Variants in CCDC25 observed in about 807,000 individuals in gnomAD.
CCDC25 encodes coiled-coil domain containing 25, also known as coiled-coil domain-containing protein 25.
CCDC25 carries 16 observed loss-of-function variants against 35.3 expected under a neutral mutation model. The ratio of observed to expected loss-of-function variants is 0.45; its 90% CI spans 0.31 to 0.69. The LOEUF is 0.69. CCDC25 is among the 30% of genes least tolerant of loss of function. CCDC25 has a pLI of 0.06. For synonymous variants in CCDC25, 79 were observed against 80.3 expected, an observed-to-expected ratio of 0.98 and a Z score of 0.09; for missense variants, 179 against 250.7, an observed-to-expected ratio of 0.71 and a Z score of 1.93.
intron 3 of CCDC25, among the ~76,000 whole-genome samples, chr8:27,760,690 C>A (rs1410278522): frequency 6.6e-6 from 1 of 152,106 alleles, no homozygotes. Flanking sequence ...GCGGGCAGCC[C>A]CAGTCTGGAT....
intron 5 of CCDC25, among the ~76,000 whole-genome samples, chr8:27,749,619 A>AT (rs1312936158): frequency 1.3e-5 from 2 of 152,202 alleles, no homozygotes; most frequent in Non-Finnish European, 2.9e-5. Flanking sequence ...AAAGGAGACT[A>AT]AAGAGAAGTA....
At chr8:27,738,564 T>A (rs548144164) in intron 8 of CCDC25, among the ~76,000 whole-genome samples, 20 of 150,572 alleles carry the variant, frequency 1.3e-4, no homozygotes, top group Non-Finnish European at 2.4e-4. Flanking sequence ...ACTGATCAGA[T>A]GGTGTTTGTA....
rs1197196291 is a variant in CCDC25 at position 27,747,627 on chromosome 8, T to G, written c.551+450A>C. 2.4e-5 allele frequency: 4 copies of G among 166,538 alleles called. No individual in the cohort carries two copies. The East Asian group carries it at 7.0e-4, about 29-fold the overall frequency. The allele number at this position is 166,538 out of a possible 1,614,324, so 10.3% of individuals were successfully genotyped here. On this transcript the variant is annotated intron_variant, in intron 7 of 8. Transcript: ENST00000356537. ...AAAATGTAGTGCTTTGAAGCAGACCTCACTACATTACTTTAAACTTTCAAA... is the reference window on the plus strand; with the variant it reads ...AAAATGTAGTGCTTTGAAGCAGACCGCACTACATTACTTTAAACTTTCAAA...
At chr8:27,745,191 T>A (rs959379379) in intron 7 of CCDC25, among the ~76,000 whole-genome samples, 3 of 152,134 alleles carry the variant, frequency 2.0e-5, no homozygotes, top group Non-Finnish European at 2.9e-5. Flanking sequence ...GAGACAGTCC[T>A]AATTTTGTTG....
At chr8:27,748,919 C>T (rs776859819) in intron 5 of CCDC25, among the ~76,000 whole-genome samples, 3 of 151,920 alleles carry the variant, frequency 2.0e-5, no homozygotes, top group Non-Finnish European at 4.4e-5. Flanking sequence ...AATATGTTTC[C>T]TCAGATTCTC....
At chr8:27,762,319 A>G in intron 3 of CCDC25, 100 bp downstream of exon 3, 1 of 1,041,496 alleles carries the variant, frequency 9.6e-7, no homozygotes, top group South Asian at 1.3e-5. Context: ...CTGAAGACCC[A>G]TAAACCACAG....
At chr8:27,759,311 A>G (rs1359810239) in intron 3 of CCDC25, among the ~76,000 whole-genome samples, 4 of 152,186 alleles carry the variant, frequency 2.6e-5, no homozygotes, top group Non-Finnish European at 5.9e-5. Flanking sequence ...TCCTACATTT[A>G]AAGATGAATT....
intron 3 of CCDC25, among the ~76,000 whole-genome samples, chr8:27,761,576 A>G (rs1350712421): frequency 6.6e-6 from 1 of 152,126 alleles, no homozygotes; most frequent in Non-Finnish European, 1.5e-5. Flanking sequence ...ATTTGGTAGG[A>G]GGTATGAGGA....
At chr8:27,741,777 A>C (rs1338633082) in intron 7 of CCDC25, among the ~76,000 whole-genome samples, 2 of 152,228 alleles carry the variant, frequency 1.3e-5, no homozygotes, top group Non-Finnish European at 2.9e-5. Flanking sequence ...AAGATTAGAG[A>C]GGTGGTTAAG....
At chr8:27,770,754 A>C (rs1804576682) in intron 1 of CCDC25, among the ~76,000 whole-genome samples, 2 of 144,288 alleles carry the variant, frequency 1.4e-5, no homozygotes, top group Non-Finnish European at 1.5e-5. Flanking sequence ...AAAAAAAAAA[A>C]CAAAAACAAA....
chr8:27,748,899 A>G (rs1803699388), intron 5 of CCDC25, among the ~76,000 whole-genome samples: 1 of 152,170 alleles, frequency 6.6e-6, no homozygotes, highest in Non-Finnish European at 1.5e-5. Context: ...TTTTCAAGAG[A>G]AAAGGACTGA....
At chr8:27,763,581 G>A (rs1375530690) in intron 2 of CCDC25, among the ~76,000 whole-genome samples, 1 of 152,112 alleles carries the variant, frequency 6.6e-6, no homozygotes, top group Non-Finnish European at 1.5e-5. Context: ...AGCCAGGCAT[G>A]GTAGCACGTG....
intron 1 of CCDC25, among the ~76,000 whole-genome samples, 161 bp downstream of exon 1, chr8:27,772,352 G>T (rs1213735783): frequency 6.6e-6 from 1 of 152,256 alleles, no homozygotes; most frequent in African/African-American, 2.4e-5. Context: ...TCCTGCAGCC[G>T]TGGGAGGGAC....
chr8:27,771,737 G>A (rs554613710), intron 1 of CCDC25, among the ~76,000 whole-genome samples: 1 of 152,196 alleles, frequency 6.6e-6, no homozygotes, highest in Admixed American at 6.5e-5. Flanking sequence ...TGGGTCCCAG[G>A]AAAGGAATAG....
In CCDC25 at chr8:27,735,937, A is replaced by G; in HGVS notation, c.*279T>C. On this transcript the variant is annotated 3_prime_UTR_variant, in exon 9 of 9. Coordinates refer to ENST00000356537, the MANE Select transcript of CCDC25 (RefSeq NM_018246.3). ...CATTTTAAAGTCTATCTCAAGAACA[A>G]GGGCAGCCTGCTTTCACAAGGTACC... 1 of 319,442 alleles carries G rather than the reference A, an allele frequency of 3.1e-6. No homozygotes were observed. Among genetic ancestry groups the G allele is most frequent in the Non-Finnish European group, 5.7e-6 (1 of 175,814 alleles). The allele number at this position is 319,442 out of a possible 1,614,324, so 19.8% of individuals were successfully genotyped here.
At chr8:27,758,709 C>G (rs1366427294) in intron 3 of CCDC25, among the ~76,000 whole-genome samples, 1 of 152,232 alleles carries the variant, frequency 6.6e-6, no homozygotes, top group Non-Finnish European at 1.5e-5. Flanking sequence ...AGCCAGTTCT[C>G]TATTTACAAC....
At chr8:27,765,363 T>C (rs910636635) in intron 1 of CCDC25, 112 bp from the exon 2 acceptor site, 38 of 875,828 alleles carry the variant, frequency 4.3e-5, no homozygotes, top group Non-Finnish European at 5.7e-5. Flanking sequence ...CCATGGCCCA[T>C]GATCCAAATC....
chr8:27,738,051 G>C (rs920143182), intron 8 of CCDC25, among the ~76,000 whole-genome samples: 1 of 152,140 alleles, frequency 6.6e-6, no homozygotes, highest in African/African-American at 2.4e-5. Flanking sequence ...CTGATATGTG[G>C]GAGCTAAGCT....
chr8:27,738,374 T>C (rs1803318375), intron 8 of CCDC25, among the ~76,000 whole-genome samples: 1 of 152,180 alleles, frequency 6.6e-6, no homozygotes, highest in African/African-American at 2.4e-5. Context: ...GAAAACATTT[T>C]CACTGAAAGA....
Sources: allele counts gnomAD v4.1 joint callset (sites outside exome capture counted in the v4.1 genomes callset), GRCh38; gene constraint gnomAD v4.1.1; transcripts MANE v1.5; gene names NCBI Gene and HGNC (gene_info 2026-07-23, HGNC 2026-07-21).